Variants in TTC28 observed in about 807,000 individuals in gnomAD.
TTC28 encodes tetratricopeptide repeat protein 28.
In TTC28, 61 loss-of-function variants were observed where a neutral mutation model predicts 198.0. The observed-to-expected ratio is 0.31, with a 90% CI of 0.25 to 0.38. The LOEUF is 0.38. Among genes scored for constraint, TTC28 ranks in the 10% least tolerant of loss-of-function variants. The probability of loss-of-function intolerance (pLI) is 1.00; values close to 1 mark genes in which losing one functional copy is unlikely to be tolerated. For synonymous variants in TTC28, 1,171 were observed against 1,297.8 expected, an observed-to-expected ratio of 0.90 and a Z score of 2.10; for missense variants, 2,678 against 3,164.0, an observed-to-expected ratio of 0.85 and a Z score of 3.69.
chr22:28,599,471 G>C (rs1256299572), intron 2 of TTC28, among the ~76,000 whole-genome samples: 1 of 152,130 alleles, frequency 6.6e-6, no homozygotes, highest in East Asian at 1.9e-4. Context: ...GATTATGATG[G>C]GATCCACAAA....
chr22:28,602,107 A>G (rs2050649340), intron 2 of TTC28, among the ~76,000 whole-genome samples: 1 of 152,188 alleles, frequency 6.6e-6, no homozygotes, highest in Non-Finnish European at 1.5e-5. Flanking sequence ...CTATGGGCAA[A>G]GGCTGACAGT....
At chr22:28,232,252 T>C (rs1928868604) in intron 5 of TTC28, among the ~76,000 whole-genome samples, 1 of 152,216 alleles carries the variant, frequency 6.6e-6, no homozygotes, top group African/African-American at 2.4e-5. Flanking sequence ...TTGTGACCTG[T>C]AATGAAGAAA....
At chr22:28,367,979 G>A (rs1032386323) in intron 2 of TTC28, among the ~76,000 whole-genome samples, 5 of 151,682 alleles carry the variant, frequency 3.3e-5, no homozygotes, top group Non-Finnish European at 5.9e-5. Flanking sequence ...TAATTCTAAC[G>A]AACATTTAAA....
At chr22:28,177,387 A>G (rs573349178) in intron 5 of TTC28, among the ~76,000 whole-genome samples, 1 of 152,290 alleles carries the variant, frequency 6.6e-6, no homozygotes, top group East Asian at 1.9e-4. Context: ...AACAATAGAA[A>G]CTCTCATTCA....
intron 12 of TTC28, 85 bp downstream of exon 12, chr22:28,093,995 T>C (rs1941895170): frequency 7.3e-7 from 1 of 1,376,618 alleles, no homozygotes; most frequent in Non-Finnish European, 9.7e-7. Context: ...AAAAGATTTC[T>C]TCTGTTAGCT....
intron 2 of TTC28, among the ~76,000 whole-genome samples, chr22:28,496,999 CAT>C (rs1402070803): frequency 1.3e-5 from 2 of 152,120 alleles, no homozygotes; most frequent in Non-Finnish European, 2.9e-5. Flanking sequence ...ATCTCTCTTT[CAT>C]AGCCTTCAAG....
intron 6 of TTC28, among the ~76,000 whole-genome samples, chr22:28,152,376 GGCCTTTA>G (rs1281611633): frequency 2.6e-5 from 4 of 152,126 alleles, no homozygotes; most frequent in Non-Finnish European, 4.4e-5. Flanking sequence ...GAGCGTCTTT[GGCCTTTA>G]GCCCTAGCCC....
intron 12 of TTC28, among the ~76,000 whole-genome samples, chr22:28,079,814 G>A (rs962836624): frequency 4.6e-5 from 7 of 152,020 alleles, no homozygotes; most frequent in Admixed American, 3.9e-4. Flanking sequence ...CTACAGCCTC[G>A]ACCTCCCAGG....
intron 12 of TTC28, among the ~76,000 whole-genome samples, chr22:28,090,764 C>G (rs1371770457): frequency 6.6e-6 from 1 of 152,106 alleles, no homozygotes; most frequent in African/African-American, 2.4e-5. Flanking sequence ...GTGAAATTTT[C>G]TTACTGTTTT....
intron 12 of TTC28, among the ~76,000 whole-genome samples, chr22:28,093,510 T>A (rs1176644805): frequency 6.6e-6 from 1 of 152,228 alleles, no homozygotes; most frequent in Non-Finnish European, 1.5e-5. Flanking sequence ...TGGAAATTAT[T>A]TTTTTCATAT....
chr22:28,109,362 C>G (rs1278243104), intron 6 of TTC28, among the ~76,000 whole-genome samples: 2 of 152,202 alleles, frequency 1.3e-5, no homozygotes, highest in South Asian at 2.1e-4. Flanking sequence ...ATGCTGCATG[C>G]TCCCGTGACA....
In TTC28 at chr22:28,420,634, G is replaced by A. The variant is rs1420314602; in HGVS notation, c.382-113991C>T. ...TTGTTTTGAGACAGAGTCTCGTTCT[G>A]TCGCCCAGGGTGGAGTGCAGTGGCA... On this transcript the variant is annotated intron_variant, in intron 2 of 22. Coordinates refer to ENST00000397906, the MANE Select transcript of TTC28 (RefSeq NM_001145418.2). 7.3e-5 allele frequency among the ~76,000 whole-genome samples: 11 copies of A among 149,738 alleles called. No homozygotes were observed. In the East Asian group the frequency reaches 2.2e-3, roughly 29 times the overall value.
At chr22:28,563,980 C>T (rs1475233625) in intron 2 of TTC28, among the ~76,000 whole-genome samples, 2 of 152,134 alleles carry the variant, frequency 1.3e-5, no homozygotes, top group Non-Finnish European at 1.5e-5. Flanking sequence ...GAATGTAGTA[C>T]ACTATAATGT....
At chr22:28,301,226 G>C in intron 3 of TTC28, among the ~76,000 whole-genome samples, 1 of 152,140 alleles carries the variant, frequency 6.6e-6, no homozygotes, top group Non-Finnish European at 1.5e-5. Context: ...TCCGATTTTA[G>C]AGTAAACTTG....
At chr22:28,582,753 A>C (rs1422618251) in intron 2 of TTC28, among the ~76,000 whole-genome samples, 2 of 152,214 alleles carry the variant, frequency 1.3e-5, no homozygotes, top group African/African-American at 4.8e-5. Context: ...ATTCATTAAA[A>C]ACAAAAAAAA....
rs576836204 is a variant in TTC28, at chr22:28,046,382, A to G, written c.3933-16016T>C. ...GCTACCAGCCTATTTCTCCTAGGCT[A>G]CAAACCTTTAGAGCATGTTATTGTA... On this transcript the variant is annotated intron_variant, in intron 12 of 22. Coordinates refer to ENST00000397906, the MANE Select transcript of TTC28 (RefSeq NM_001145418.2). Among the ~76,000 whole-genome samples the G allele has an allele frequency of 3.9e-3, 601 of 152,336 alleles. 2 individuals carry two copies. Among genetic ancestry groups the G allele is most frequent in the Admixed American group, 7.6e-3 (116 of 15,298 alleles).
chr22:28,384,906 C>T (rs1055477466), intron 2 of TTC28, among the ~76,000 whole-genome samples: 4 of 151,762 alleles, frequency 2.6e-5, no homozygotes, highest in Non-Finnish European at 4.4e-5. Flanking sequence ...TTTGGGAGGC[C>T]GGGGACGGGG....
chr22:28,199,576 C>T (rs1318832234), intron 5 of TTC28, among the ~76,000 whole-genome samples: 2 of 143,768 alleles, frequency 1.4e-5, no homozygotes, highest in Non-Finnish European at 3.0e-5. Flanking sequence ...TATTTGTGTG[C>T]ATGTGCACTG....
intron 2 of TTC28, among the ~76,000 whole-genome samples, chr22:28,316,101 G>A (rs1262975083): frequency 1.3e-5 from 2 of 152,010 alleles, no homozygotes; most frequent in South Asian, 4.1e-4. Context: ...GCTTTATTCC[G>A]CTTACTGCAC....
Sources: allele counts gnomAD v4.1 joint callset (sites outside exome capture counted in the v4.1 genomes callset), GRCh38; gene constraint gnomAD v4.1.1; transcripts MANE v1.5; gene names NCBI Gene and HGNC (gene_info 2026-07-23, HGNC 2026-07-21).